PTPRR: variants seen among roughly 807,000 people sequenced by gnomAD.
PTPRR encodes protein tyrosine phosphatase receptor type R.
In PTPRR, 38 loss-of-function variants were observed where a neutral mutation model predicts 77.2. That is an observed-to-expected ratio of 0.49 (90% CI 0.38 to 0.65). The LOEUF is 0.65. Ranked by LOEUF, PTPRR falls within the 30% of genes least tolerant of loss-of-function variation. PTPRR has a pLI of 0.00. For synonymous variants in PTPRR, 299 were observed against 283.1 expected (o/e 1.06, Z -0.57); for missense variants, 744 against 799.2 (o/e 0.93, Z 0.83).
intron 10 of PTPRR, chr12:70,672,814 C>T: frequency 1.3e-6 from 2 of 1,564,756 alleles, no homozygotes; most frequent in Non-Finnish European, 1.7e-6. Flanking sequence ...AGATGAAGTC[C>T]AGTGTGAAAT....
At chr12:70,648,008 CTT>C (rs762454215) in intron 13 of PTPRR, among the ~76,000 whole-genome samples, 2 of 152,174 alleles carry the variant, frequency 1.3e-5, no homozygotes, top group Admixed American at 6.5e-5. Context: ...CTTCCTCTCT[CTT>C]CATCTTGAGT....
At position 70,863,061 on chromosome 12, in the gene PTPRR, C is replaced by G. The variant is rs181862907; in HGVS notation, c.357+29618G>C. ...TATGTCTTTTAATCAACCAATTGCC[C>G]TATTCTCTACTAGAGGTCTAACCCT... On this transcript the variant is annotated intron_variant, in intron 2 of 13. Transcript: ENST00000283228. 9.3e-3 allele frequency among the ~76,000 whole-genome samples: 1,410 copies of G among 152,248 alleles called. 83 individuals carry two copies. Among genetic ancestry groups the G allele is most frequent in the Admixed American group, 0.083 (1,275 of 15,272 alleles).
At chr12:70,721,409 C>T (rs920217500) in intron 6 of PTPRR, among the ~76,000 whole-genome samples, 7 of 152,174 alleles carry the variant, frequency 4.6e-5, no homozygotes, top group South Asian at 2.1e-4. Flanking sequence ...ACCCTTTCCT[C>T]GGCTGATGGA....
intron 6 of PTPRR, among the ~76,000 whole-genome samples, chr12:70,716,564 T>C (rs1228741270): frequency 6.6e-6 from 1 of 152,198 alleles, no homozygotes; most frequent in Non-Finnish European, 1.5e-5. Context: ...ACTCTCTCAA[T>C]TATCTAGACT....
In PTPRR at chr12:70,919,097, G is replaced by A. The variant is rs375361898; in HGVS notation, c.58+1236C>T. ...ATTCATGATACATTTAAATAATAGC[G>A]TTAGCTGGAATAAGAAAGTACCATA... On this transcript the variant is annotated intron_variant, in intron 1 of 13. Transcript: ENST00000283228. Among the ~76,000 whole-genome samples, 19 of 152,214 alleles carry A rather than the reference G, an allele frequency of 1.2e-4. No homozygotes were observed. The East Asian group carries it at 2.3e-3, about 19-fold the overall frequency.
intron 2 of PTPRR, among the ~76,000 whole-genome samples, chr12:70,799,292 C>T (rs958512893): frequency 1.1e-4 from 16 of 152,270 alleles, no homozygotes; most frequent in Admixed American, 8.5e-4. Context: ...ATATTAAACA[C>T]TCTTAAATCT....
At chr12:70,839,317 ATGTGTG>A (rs71817615) in intron 2 of PTPRR, among the ~76,000 whole-genome samples, 11 of 150,182 alleles carry the variant, frequency 7.3e-5, no homozygotes, top group South Asian at 2.1e-4. Flanking sequence ...TATTCTGGAT[ATGTGTG>A]TGTGTGTGTG....
chr12:70,911,725 A>G (rs1893702286), intron 1 of PTPRR, among the ~76,000 whole-genome samples: 1 of 149,890 alleles, frequency 6.7e-6, no homozygotes, highest in Non-Finnish European at 1.5e-5. Flanking sequence ...CATACAGATG[A>G]AAACTATCAA....
chr12:70,676,450 T>A (rs1331932387), intron 10 of PTPRR, among the ~76,000 whole-genome samples: 1 of 152,046 alleles, frequency 6.6e-6, no homozygotes, highest in Non-Finnish European at 1.5e-5. Context: ...TTTCAGTTAT[T>A]TTAATTTATG....
intron 4 of PTPRR, among the ~76,000 whole-genome samples, chr12:70,759,797 T>C (rs910271879): frequency 1.3e-5 from 2 of 151,638 alleles, no homozygotes; most frequent in African/African-American, 4.8e-5. Context: ...AGTTTAGAAT[T>C]GCTGAAATGT....
intron 6 of PTPRR, among the ~76,000 whole-genome samples, chr12:70,707,461 T>A (rs886733062): frequency 6.6e-6 from 1 of 152,106 alleles, no homozygotes; most frequent in African/African-American, 2.4e-5. Flanking sequence ...GTCCTCAAAT[T>A]TTTTTAAACA....
chr12:70,701,157 A>G lies in PTPRR; in HGVS notation c.1174T>C (p.Leu392=). ...QLRDVVASSH[L]LQSEFMEIPM... is the part of the protein sequence containing the mutation. The stretch of plus-strand genomic sequence containing the variant: ...CTCACCATGAATTCACTTTGGAGTA[A>G]ATGTGAACTTGCCACGACGTCCCTC... The change falls in exon 7 of 14, where the codon TTA becomes CTA. Residue 392 remains leucine (L), a synonymous_variant. Transcript: ENST00000283228. The G allele has an allele frequency of 6.2e-7, 1 of 1,613,886 alleles. No homozygotes were observed. Among genetic ancestry groups the G allele is most frequent in the Non-Finnish European group, 8.5e-7 (1 of 1,179,894 alleles).
chr12:70,692,963 T>C (rs1888105129), intron 8 of PTPRR, among the ~76,000 whole-genome samples: 1 of 152,166 alleles, frequency 6.6e-6, no homozygotes, highest in Admixed American at 6.6e-5. Context: ...TCACAGAGGG[T>C]TTAATGTCAG....
In PTPRR at chr12:70,661,057, G is replaced by A. The variant is rs1347711544; in HGVS notation, c.1649C>T (p.Thr550Ile). The change falls in exon 12 of 14, where the codon ACC becomes ATC. Residue 550 changes from threonine (T) to isoleucine (I), a missense_variant. Thr to Ile is a moderately conservative substitution (Grantham distance 89). This residue lies in a region of PTPRR where 170 missense variants were observed against 209.8 expected (regional missense o/e 0.81). Transcript: ENST00000283228. ...HTQHVKHYWY[T>I]SWPDHKTPDS... ...TGGAGTCTTGTGATCAGGCCATGAG[G>A]TGTACCAGTAATGCTTCACATGTTG... 1 of 1,612,994 alleles carries A rather than the reference G, an allele frequency of 6.2e-7. No individual in the cohort carries two copies. Among genetic ancestry groups the A allele is most frequent in the Non-Finnish European group, 8.5e-7 (1 of 1,179,496 alleles).
intron 2 of PTPRR, among the ~76,000 whole-genome samples, chr12:70,769,029 T>C (rs1434416643): frequency 7.1e-6 from 1 of 141,440 alleles, no homozygotes; most frequent in Non-Finnish European, 1.5e-5. Context: ...AAGAGGTATC[T>C]ATGACAAACC....
At chr12:70,672,728 C>G (rs1887280895) in intron 10 of PTPRR, 1 of 1,545,964 alleles carries the variant, frequency 6.5e-7, no homozygotes, top group Middle Eastern at 1.8e-4. Context: ...ACCTTTTACC[C>G]AGGGGATGTC....
At chr12:70,711,851 T>C (rs1303014028) in intron 6 of PTPRR, among the ~76,000 whole-genome samples, 8 of 152,178 alleles carry the variant, frequency 5.3e-5, no homozygotes, top group South Asian at 2.1e-4. Context: ...CATCAAGGTC[T>C]GCCTTTACCT....
chr12:70,701,693 C>T (rs1194709919), intron 6 of PTPRR, among the ~76,000 whole-genome samples: 1 of 152,052 alleles, frequency 6.6e-6, no homozygotes, highest in Non-Finnish European at 1.5e-5. Context: ...GCTTCTGGGG[C>T]CAGATGAGGT....
intron 2 of PTPRR, among the ~76,000 whole-genome samples, chr12:70,793,336 T>C (rs1018324540): frequency 6.6e-6 from 1 of 152,092 alleles, no homozygotes; most frequent in Admixed American, 6.5e-5. Flanking sequence ...TCCTGAAGCA[T>C]TTATATGAAG....
Sources: gnomAD v4.1 joint callset for allele counts (sites outside exome capture counted in the v4.1 genomes callset) on GRCh38, gnomAD v4.1.1 for gene constraint, gnomAD v4.1.1 regional missense constraint, MANE v1.5 for transcripts, NCBI Gene and HGNC (gene_info 2026-07-23, HGNC 2026-07-21) for gene names.